The following RASA3 variants were observed in gnomAD, a reference collection of about 807,000 sequenced individuals.
The protein encoded by RASA3 is ras GTPase-activating protein 3.
RASA3 carries 73 observed loss-of-function variants against 110.0 expected under a neutral mutation model. That is an observed-to-expected ratio of 0.66 (90% CI 0.55 to 0.81). RASA3 has a LOEUF of 0.81. RASA3 is among the 30% of genes least tolerant of loss of function. RASA3 has a pLI of 0.00. For synonymous variants in RASA3, 500 were observed against 451.4 expected, an observed-to-expected ratio of 1.11 and a Z score of -1.37; for missense variants, 976 against 1,113.2, an observed-to-expected ratio of 0.88 and a Z score of 1.75.
At chr13:114,046,221 T>G (rs1352807262) in intron 3 of RASA3, among the ~76,000 whole-genome samples, 1 of 152,210 alleles carries the variant, frequency 6.6e-6, no homozygotes, top group Non-Finnish European at 1.5e-5. Flanking sequence ...GACAGGTGGA[T>G]CAATATGACA....
intron 4 of RASA3, among the ~76,000 whole-genome samples, chr13:114,035,007 C>G (rs1351174809): frequency 1.3e-5 from 2 of 149,800 alleles, no homozygotes; most frequent in Non-Finnish European, 3.0e-5. Flanking sequence ...TGAACGCTGA[C>G]CTGAGCTTAG....
At chr13:114,024,819 G>A (rs570340176) in intron 7 of RASA3, among the ~76,000 whole-genome samples, 1 of 152,330 alleles carries the variant, frequency 6.6e-6, no homozygotes, top group Non-Finnish European at 1.5e-5. Context: ...GAACCTGGCC[G>A]GCCCCGAACA....
chr13:114,089,299 A>AGGGGGG (rs941894354), intron 1 of RASA3, among the ~76,000 whole-genome samples: 1 of 14,774 alleles, frequency 6.8e-5, no homozygotes, highest in African/African-American at 2.3e-4. Flanking sequence ...AGCGGGGAGG[A>AGGGGGG]GGGGGGGAGG....
intron 1 of RASA3, among the ~76,000 whole-genome samples, chr13:114,094,076 C>T (rs578060036): frequency 3.9e-5 from 6 of 152,238 alleles, no homozygotes; most frequent in East Asian, 1.9e-4. Flanking sequence ...TTATCCATTT[C>T]GTAAGGTCAC....
intron 2 of RASA3, among the ~76,000 whole-genome samples, chr13:114,062,700 C>T (rs1336274249): frequency 6.6e-6 from 1 of 152,240 alleles, no homozygotes; most frequent in Non-Finnish European, 1.5e-5. Flanking sequence ...CACGCGTGCT[C>T]ACAGCCCACG....
rs2079246974 is a variant in RASA3 at position 114,056,441 on chromosome 13, TGAAAC to T, written c.174-4291_174-4287del. 1 of 985,350 alleles carries T rather than the reference TGAAAC, an allele frequency of 1.0e-6. No individual in the cohort carries two copies. Among genetic ancestry groups the T allele is most frequent in the Non-Finnish European group, 1.2e-6 (1 of 829,860 alleles). The allele number at this position is 985,350 out of a possible 1,614,324, so 61.0% of individuals were successfully genotyped here. ...GAAACCGAGGCACTCCAACATCTGA[TGAAAC>T]GAAACTAACCCCAGGGCTTGGGCAG... On this transcript the variant is annotated intron_variant, in intron 2 of 23. Transcript: ENST00000334062. The surrounding 1 kb of genome is among the most constrained non-coding windows in gnomAD (Gnocchi z 5.7).
At chr13:114,069,426 G>T (rs943817034) in intron 2 of RASA3, among the ~76,000 whole-genome samples, 6 of 136,362 alleles carry the variant, frequency 4.4e-5, no homozygotes, top group Non-Finnish European at 9.5e-5. Context: ...AAGCACACGG[G>T]GGGCTGGGAG....
chr13:114,112,138 T>A lies in RASA3; in HGVS notation c.55+20297A>T, dbSNP rs544288853. On this transcript the variant is annotated intron_variant, in intron 1 of 23. Coordinates refer to ENST00000334062, the MANE Select transcript of RASA3 (RefSeq NM_007368.4). The surrounding 1 kb of genome is among the most constrained non-coding windows in gnomAD (Gnocchi z 4.8). ...CTGGGACAAGGGCACACCAGGCTAA[T>A]TTTTAATCAGATGGATTTAGTGATA... 2.0e-5 allele frequency among the ~76,000 whole-genome samples: 3 copies of A among 149,572 alleles called. No homozygotes were observed. The highest frequency in any genetic ancestry group is 4.5e-5 in the Non-Finnish European group (3 of 66,964).
chr13:114,029,741 C>G, intron 5 of RASA3, 70 bp downstream of exon 5: 1 of 1,421,066 alleles, frequency 7.0e-7, no homozygotes, highest in Non-Finnish European at 9.7e-7. Flanking sequence ...TGTGAAAACC[C>G]CTGTGTGCTC....
chr13:114,035,308 C>A (rs1386345211), intron 4 of RASA3, among the ~76,000 whole-genome samples: 1 of 152,254 alleles, frequency 6.6e-6, no homozygotes, highest in Non-Finnish European at 1.5e-5. Context: ...CCGACCCTGG[C>A]ACCTGCCTGG....
At chr13:114,051,068 C>A (rs1257356809) in intron 3 of RASA3, among the ~76,000 whole-genome samples, 1 of 152,190 alleles carries the variant, frequency 6.6e-6, no homozygotes, top group African/African-American at 2.4e-5. Flanking sequence ...TGGACCGGGA[C>A]CCCGCCCACG....
chr13:114,088,577 G>A (rs947577503), intron 1 of RASA3, among the ~76,000 whole-genome samples: 2 of 148,862 alleles, frequency 1.3e-5, no homozygotes, highest in African/African-American at 2.5e-5. Flanking sequence ...TTGAGACGGA[G>A]TTTCACTTTT....
intron 2 of RASA3, among the ~76,000 whole-genome samples, chr13:114,072,729 C>T (rs1020742876): frequency 1.3e-5 from 2 of 152,204 alleles, no homozygotes; most frequent in Non-Finnish European, 1.5e-5. Context: ...CACACCAGAG[C>T]CCCAGGGAGC....
intron 4 of RASA3, among the ~76,000 whole-genome samples, chr13:114,037,003 C>T (rs180810837): frequency 2.0e-5 from 3 of 152,252 alleles, no homozygotes; most frequent in Admixed American, 1.3e-4. Flanking sequence ...GACAACAGCT[C>T]GCATTTGCCT....
chr13:114,101,843 G>A (rs897095848), intron 1 of RASA3, among the ~76,000 whole-genome samples: 3 of 152,246 alleles, frequency 2.0e-5, no homozygotes, highest in African/African-American at 2.4e-5. Context: ...GAAAACATAC[G>A]GAAAATGTCA....
intron 21 of RASA3, among the ~76,000 whole-genome samples, chr13:113,992,958 T>C (rs368133995): frequency 1.3e-5 from 2 of 152,274 alleles, no homozygotes; most frequent in African/African-American, 2.4e-5. Flanking sequence ...TACTGAGTTA[T>C]GTCTTGTTTA....
At chr13:114,081,430 C>T (rs2079786661) in intron 1 of RASA3, among the ~76,000 whole-genome samples, 1 of 152,230 alleles carries the variant, frequency 6.6e-6, no homozygotes, top group Admixed American at 6.5e-5. Context: ...CCGCAGACCA[C>T]GGCCACCAGC....
intron 8 of RASA3, among the ~76,000 whole-genome samples, chr13:114,023,916 C>T (rs1297514463): frequency 1.3e-5 from 2 of 152,206 alleles, no homozygotes; most frequent in Admixed American, 6.5e-5. Flanking sequence ...CAGGGCCAGG[C>T]GTCGTGCTGA....
intron 17 of RASA3, 35 bp from the exon 18 acceptor site, chr13:114,007,641 G>T (rs780617277): frequency 1.3e-6 from 2 of 1,549,366 alleles, no homozygotes; most frequent in East Asian, 4.5e-5. Flanking sequence ...CCGGGAGGAA[G>T]CCACACATCT....
Sources: gnomAD v4.1 joint callset for allele counts (sites outside exome capture counted in the v4.1 genomes callset) on GRCh38, gnomAD v4.1.1 for gene constraint, Gnocchi (gnomAD v3.1) non-coding constraint, MANE v1.5 for transcripts, NCBI Gene and HGNC (gene_info 2026-07-23, HGNC 2026-07-21) for gene names.